The following HIVEP3 variants were observed in gnomAD, a reference collection of about 807,000 sequenced individuals.
HIVEP3 encodes the protein HIVEP zinc finger 3.
Under a neutral mutation model 152.8 loss-of-function variants are expected in HIVEP3, and 49 were observed. The observed-to-expected ratio is 0.32, with a 90% CI of 0.26 to 0.41. The LOEUF is 0.41. Among genes scored for constraint, HIVEP3 ranks in the 10% least tolerant of loss-of-function variants. HIVEP3 has a pLI of 1.00. For synonymous variants in HIVEP3, 1,269 were observed against 1,289.0 expected (o/e 0.98, Z 0.33); for missense variants, 2,790 against 3,103.3 (o/e 0.90, Z 2.40).
intron 1 of HIVEP3, among the ~76,000 whole-genome samples, chr1:41,818,098 T>C (rs74474476): frequency 0.018 from 2,765 of 152,180 alleles, 38 homozygotes; most frequent in Non-Finnish European, 0.021. Flanking sequence ...TTCTAGAATA[T>C]ACAAGGAACT....
chr1:41,928,972 G>T (rs1644981660), intron 1 of HIVEP3, among the ~76,000 whole-genome samples: 1 of 152,140 alleles, frequency 6.6e-6, no homozygotes, highest in South Asian at 2.1e-4. Flanking sequence ...GGTTAAGGTG[G>T]TATCTGCCAG....
At chr1:41,531,121 G>A (rs2149062062) in intron 5 of HIVEP3, among the ~76,000 whole-genome samples, 1 of 146,878 alleles carries the variant, frequency 6.8e-6, no homozygotes, top group Admixed American at 6.7e-5. Flanking sequence ...GAGGACAGGA[G>A]CAAAGGGAGG....
At chr1:41,822,228 C>G (rs943023899) in intron 1 of HIVEP3, among the ~76,000 whole-genome samples, 3 of 152,176 alleles carry the variant, frequency 2.0e-5, no homozygotes, top group African/African-American at 7.2e-5. Context: ...TTGCCTCTCT[C>G]CAGTAGGAAA....
intron 1 of HIVEP3, among the ~76,000 whole-genome samples, chr1:41,845,143 C>A (rs935034627): frequency 5.9e-5 from 9 of 152,276 alleles, no homozygotes; most frequent in African/African-American, 2.2e-4. Context: ...CCTTGATAGT[C>A]CCCATCTCTT....
rs550015278 is a variant in HIVEP3 at position 41,794,672 on chromosome 1, C to T, written c.-800-93677G>A. On this transcript the variant is annotated intron_variant, in intron 1 of 8. Coordinates refer to ENST00000372583, the MANE Select transcript of HIVEP3 (RefSeq NM_024503.5). ...TTTTGATAGGTAAAAATGGTTATCT[C>T]ATTATTGTAACTTGCCTTTCTTATT... Among the ~76,000 whole-genome samples the T allele has an allele frequency of 1.2e-4, 19 of 152,258 alleles. No homozygotes were observed. The South Asian group carries it at 2.7e-3, about 22-fold the overall frequency.
At chr1:41,888,242 T>A (rs368123811) in intron 1 of HIVEP3, among the ~76,000 whole-genome samples, 1 of 130,044 alleles carries the variant, frequency 7.7e-6, no homozygotes, top group Non-Finnish European at 1.6e-5. Flanking sequence ...TTAGTAGAGA[T>A]GGGGTTTCAA....
intron 1 of HIVEP3, among the ~76,000 whole-genome samples, chr1:41,987,128 A>G (rs750311504): frequency 7.2e-5 from 11 of 152,240 alleles, no homozygotes; most frequent in Non-Finnish European, 1.2e-4. Context: ...ATGAGCAATG[A>G]ATGAAACAAT....
chr1:41,546,191 G>A (rs895978767), intron 5 of HIVEP3, among the ~76,000 whole-genome samples: 2 of 152,300 alleles, frequency 1.3e-5, no homozygotes, highest in Non-Finnish European at 1.5e-5. Context: ...TGGGGACCAC[G>A]TGCTGCACCT....
At position 41,944,142 on chromosome 1, in the gene HIVEP3, T is replaced by C. The variant is rs117522438; in HGVS notation, n.120-25618A>G. The stretch of plus-strand genomic sequence containing the variant: ...AGGAGGTGAGAGGAAGTAGGAGTTA[T>C]TGTTTGATAAGTCCAGTTTTAATTT... On this transcript the variant is annotated intron_variant and non_coding_transcript_variant, in intron 1 of 3. Transcript: ENST00000489103. Among the ~76,000 whole-genome samples the C allele has an allele frequency of 1.3e-4, 20 of 152,322 alleles. No homozygotes were observed. In the East Asian group the frequency reaches 3.5e-3, roughly 26 times the overall value.
At chr1:41,700,818 G>T in intron 2 of HIVEP3, 98 bp downstream of exon 2, 1 of 416,302 alleles carries the variant, frequency 2.4e-6, no homozygotes, top group Non-Finnish European at 3.2e-6. Flanking sequence ...CGAGGCTAAG[G>T]TCATTCCTGT....
chr1:41,657,160 G>A (rs181606190), intron 2 of HIVEP3, among the ~76,000 whole-genome samples: 206 of 152,302 alleles, frequency 1.4e-3, no homozygotes, highest in Admixed American at 2.4e-3. Flanking sequence ...AAATGACAGC[G>A]TAAGGTGAGA....
At chr1:41,690,201 C>G (rs186011759) in intron 2 of HIVEP3, among the ~76,000 whole-genome samples, 1 of 152,266 alleles carries the variant, frequency 6.6e-6, no homozygotes, top group Non-Finnish European at 1.5e-5. Flanking sequence ...AGTTCCAAAA[C>G]AGAGAGGAAT....
At chr1:41,868,667 A>G (rs1283045970) in intron 1 of HIVEP3, among the ~76,000 whole-genome samples, 1 of 152,132 alleles carries the variant, frequency 6.6e-6, no homozygotes, top group Non-Finnish European at 1.5e-5. Context: ...CACTCACCAC[A>G]ACCACCCTCC....
chr1:41,597,898 C>T (rs1382796575), intron 3 of HIVEP3, among the ~76,000 whole-genome samples: 1 of 152,208 alleles, frequency 6.6e-6, no homozygotes, highest in Non-Finnish European at 1.5e-5. Context: ...ACAAACAAGG[C>T]CCAGATGCTT....
intron 1 of HIVEP3, among the ~76,000 whole-genome samples, chr1:41,969,018 C>T (rs939408664): frequency 1.4e-4 from 22 of 152,100 alleles, no homozygotes; most frequent in African/African-American, 4.8e-4. Flanking sequence ...TGAAGGACCT[C>T]TTCAAGGAGA....
chr1:41,570,472 T>C (rs1361172783), intron 5 of HIVEP3, among the ~76,000 whole-genome samples: 1 of 152,156 alleles, frequency 6.6e-6, no homozygotes. Flanking sequence ...CATTTTTCCT[T>C]CCTGCCACCT....
At chr1:41,738,798 C>T (rs1646954439) in intron 1 of HIVEP3, among the ~76,000 whole-genome samples, 1 of 151,900 alleles carries the variant, frequency 6.6e-6, no homozygotes, top group Non-Finnish European at 1.5e-5. Flanking sequence ...GATTCCTGGG[C>T]CCACCATAAA....
intron 1 of HIVEP3, among the ~76,000 whole-genome samples, chr1:41,908,140 GA>G (rs1184315972): frequency 6.6e-6 from 1 of 152,080 alleles, no homozygotes; most frequent in East Asian, 1.9e-4. Flanking sequence ...AGTGGAAGAG[GA>G]AAGAGACCAT....
chr1:41,549,480 AC>A (rs529812119), intron 5 of HIVEP3, among the ~76,000 whole-genome samples: 164 of 152,268 alleles, frequency 1.1e-3, no homozygotes, highest in Admixed American at 2.3e-3. Flanking sequence ...ACTAGTTTAC[AC>A]CCCCACCAAC....
Sources: allele counts gnomAD v4.1 joint callset (sites outside exome capture counted in the v4.1 genomes callset), GRCh38; gene constraint gnomAD v4.1.1; transcripts MANE v1.5; gene names NCBI Gene and HGNC (gene_info 2026-07-23, HGNC 2026-07-21).